Variants in GPA33 observed in about 807,000 individuals in gnomAD.
GPA33 encodes the protein cell surface A33 antigen.
GPA33 carries 27 observed loss-of-function variants against 35.6 expected under a neutral mutation model. That is an observed-to-expected ratio of 0.76 (90% CI 0.56 to 1.04). The LOEUF is 1.04. GPA33 is among the 50% of genes least tolerant of loss of function. The pLI, the probability that GPA33 is intolerant of heterozygous loss-of-function variation, is 0.00. For missense variants in GPA33, 428 were observed against 411.9 expected (o/e 1.04, Z -0.34); for synonymous variants, 176 against 164.0 (o/e 1.07, Z -0.56).
intron 4 of GPA33, among the ~76,000 whole-genome samples, chr1:167,059,154 C>A (rs1666375757): frequency 6.6e-6 from 1 of 152,214 alleles, no homozygotes; most frequent in Admixed American, 6.5e-5. Flanking sequence ...TATCCTCCCC[C>A]AGTTCCCTGA....
chr1:167,070,915 G>A (rs1377393361), intron 2 of GPA33, among the ~76,000 whole-genome samples: 1 of 152,146 alleles, frequency 6.6e-6, no homozygotes, highest in Non-Finnish European at 1.5e-5. Flanking sequence ...ATTTCCAAGA[G>A]AGGAAACACA....
At chr1:167,072,665 T>G (rs1666741766) in intron 2 of GPA33, among the ~76,000 whole-genome samples, 1 of 152,194 alleles carries the variant, frequency 6.6e-6, no homozygotes, top group Admixed American at 6.5e-5. Context: ...ATATAGTACC[T>G]TCATAAATTG....
At chr1:167,067,628 A>C (rs1351725960) in intron 3 of GPA33, among the ~76,000 whole-genome samples, 2 of 152,128 alleles carry the variant, frequency 1.3e-5, no homozygotes, top group Non-Finnish European at 2.9e-5. Flanking sequence ...TGTGTATGGG[A>C]TGTCTATTGT....
At chr1:167,059,641 T>C (rs1666390522) in intron 4 of GPA33, among the ~76,000 whole-genome samples, 1 of 152,056 alleles carries the variant, frequency 6.6e-6, no homozygotes, top group Admixed American at 6.6e-5. Flanking sequence ...ACTTCCTTGA[T>C]ATCCAAATTC....
At chr1:167,085,668 G>A (rs1667033225) in intron 1 of GPA33, among the ~76,000 whole-genome samples, 1 of 152,216 alleles carries the variant, frequency 6.6e-6, no homozygotes, top group Non-Finnish European at 1.5e-5. Context: ...AAGATCCCCA[G>A]ATGACTTGTA....
chr1:167,063,378 C>A (rs1291099250), intron 4 of GPA33, among the ~76,000 whole-genome samples: 1 of 152,198 alleles, frequency 6.6e-6, no homozygotes, highest in Non-Finnish European at 1.5e-5. Flanking sequence ...CAACTGCACT[C>A]CAGCCTGGGC....
At position 167,073,416 on chromosome 1, in the gene GPA33, A is replaced by C. The variant is rs145183842; in HGVS notation, c.167T>G (p.Ile56Ser). 1 of 1,614,102 alleles carries C rather than the reference A, an allele frequency of 6.2e-7. No homozygotes were observed. The highest frequency in any genetic ancestry group is 2.2e-5 in the East Asian group (1 of 44,890). Residue 56 changes from isoleucine to serine, a missense_variant, in exon 2 of 7, where the codon ATT (isoleucine) becomes AGT (serine). By Grantham distance (142) the Ile-to-Ser change is moderately radical. Transcript: ENST00000367868. The part of the protein sequence containing the change: ...HTSTSSREGL[I>S]QWDKLLLTHT... Reference sequence around the variant, plus strand: ...AGTGAGGAGGAGCTTATCCCATTGAATAAGTCCCTCTCGACTGGAGGTGGA... The same window carrying C: ...AGTGAGGAGGAGCTTATCCCATTGACTAAGTCCCTCTCGACTGGAGGTGGA...
At chr1:167,056,483 T>C (rs959689975) in intron 4 of GPA33, among the ~76,000 whole-genome samples, 1 of 148,454 alleles carries the variant, frequency 6.7e-6, no homozygotes, top group Non-Finnish European at 1.5e-5. Flanking sequence ...GTGTGGTGTG[T>C]CAGTGTGTGT....
rs1374095472 is a variant in GPA33, at chr1:167,053,958, A to C, written c.*376T>G. On this transcript the variant is annotated 3_prime_UTR_variant, in exon 7 of 7. Transcript: ENST00000367868. ...CACACAGGTGAGCAGGACAGCCCCCACCCCCCAAGGCTGGCATCGCCTCCC... is the reference window on the plus strand; with the variant it reads ...CACACAGGTGAGCAGGACAGCCCCCCCCCCCCAAGGCTGGCATCGCCTCCC... 4.2e-6 allele frequency: 1 copy of C among 236,602 alleles called. No homozygotes were observed. The highest frequency in any genetic ancestry group is 8.2e-6 in the Non-Finnish European group (1 of 121,746). The allele number at this position is 236,602 out of a possible 1,614,324, so 14.7% of individuals were successfully genotyped here. A position where few individuals can be genotyped will look rare whatever the true frequency, so the allele number is the denominator to read the frequency against.
chr1:167,078,019 AG>A (rs1666857336), intron 1 of GPA33, among the ~76,000 whole-genome samples: 1 of 152,214 alleles, frequency 6.6e-6, no homozygotes, highest in Non-Finnish European at 1.5e-5. Flanking sequence ...AGCCCTGGTG[AG>A]GGTATAGGGC....
intron 2 of GPA33, among the ~76,000 whole-genome samples, chr1:167,070,118 C>G (rs1032309798): frequency 1.3e-5 from 2 of 152,054 alleles, no homozygotes; most frequent in Non-Finnish European, 2.9e-5. Context: ...AGGCAAAGGG[C>G]TGGGGGTATT....
rs779451400 is a variant in GPA33, at chr1:167,054,412, C to T, written c.882G>A (p.Glu294=). 2.5e-6 allele frequency: 4 copies of T among 1,614,188 alleles called. No homozygotes were observed. In the Admixed American group the frequency reaches 6.7e-5, roughly 27 times the overall value. The change falls in exon 7 of 7, where the codon GAG becomes GAA. Residue 294 remains glutamate (E), a synonymous_variant. Transcript: ENST00000367868. ...GCCTGTAGTCATCCTCCTCCTCCCT[C>T]TCTCTGGAAAGTTCTCTTAGCTGCT... ...PPEQLRELSR[E]REEEDDYRQE...
chr1:167,073,897 G>A (rs1250419837), intron 1 of GPA33, among the ~76,000 whole-genome samples: 1 of 151,978 alleles, frequency 6.6e-6, no homozygotes, highest in African/African-American at 2.4e-5. Context: ...AATTAATGGA[G>A]ATACCATGTG....
chr1:167,059,954 A>C (rs1436865833), intron 4 of GPA33, among the ~76,000 whole-genome samples: 3 of 152,234 alleles, frequency 2.0e-5, no homozygotes, highest in Admixed American at 2.0e-4. Context: ...CAGATGTAGG[A>C]GAGCAGAGGT....
At chr1:167,062,084 T>C (rs1666464705) in intron 4 of GPA33, among the ~76,000 whole-genome samples, 1 of 152,164 alleles carries the variant, frequency 6.6e-6, no homozygotes, top group East Asian at 1.9e-4. Flanking sequence ...GGCCTCCTTT[T>C]CCACCTACAC....
intron 3 of GPA33, among the ~76,000 whole-genome samples, chr1:167,066,755 C>T (rs1056874201): frequency 1.3e-5 from 2 of 152,204 alleles, no homozygotes; most frequent in Non-Finnish European, 2.9e-5. Context: ...CGGAACCAGT[C>T]GGGTGCCAAG....
At chr1:167,087,541 T>C (rs922584808) in intron 1 of GPA33, among the ~76,000 whole-genome samples, 3 of 151,752 alleles carry the variant, frequency 2.0e-5, no homozygotes, top group African/African-American at 7.3e-5. Context: ...GGCAGTGGAG[T>C]GTTAGGAGGG....
chr1:167,081,471 G>A (rs181687141), intron 1 of GPA33, among the ~76,000 whole-genome samples: 148 of 152,326 alleles, frequency 9.7e-4, no homozygotes, highest in African/African-American at 3.5e-3. Flanking sequence ...GCAGCTGAGA[G>A]AGGAGAGATT....
chr1:167,081,691 GGCTTTCCCGA>G (rs1176286204), intron 1 of GPA33, among the ~76,000 whole-genome samples: 4 of 152,176 alleles, frequency 2.6e-5, no homozygotes, highest in Non-Finnish European at 5.9e-5. Flanking sequence ...CCTGCTGCCT[GGCTTTCCCGA>G]GCCACTTCGG....
Sources: allele counts gnomAD v4.1 joint callset (sites outside exome capture counted in the v4.1 genomes callset), GRCh38; gene constraint gnomAD v4.1.1; transcripts MANE v1.5; gene names NCBI Gene and HGNC (gene_info 2026-07-23, HGNC 2026-07-21).